The following PDLIM5 variants were observed in gnomAD, a reference collection of about 807,000 sequenced individuals.
The protein encoded by PDLIM5 is PDZ and LIM domain 5, also known as PDZ and LIM domain protein 5.
PDLIM5 carries 34 observed loss-of-function variants against 64.2 expected under a neutral mutation model. That is an observed-to-expected ratio of 0.53 (90% CI 0.40 to 0.71). The LOEUF is 0.71. PDLIM5 is among the 30% of genes least tolerant of loss of function. The pLI, the probability that PDLIM5 is intolerant of heterozygous loss-of-function variation, is 0.00. For missense variants in PDLIM5, 683 were observed against 733.6 expected (o/e 0.93, Z 0.80); for synonymous variants, 253 against 269.1 (o/e 0.94, Z 0.59).
intron 7 of PDLIM5, among the ~76,000 whole-genome samples, chr4:94,598,235 A>G (rs578127965): frequency 3.3e-4 from 51 of 152,282 alleles, no homozygotes; most frequent in African/African-American, 9.6e-4. Flanking sequence ...TCAAAGGAGA[A>G]GTGGGAATTT....
At position 94,523,978 on chromosome 4, in the gene PDLIM5, A is replaced by G. The variant is rs561662666; in HGVS notation, c.248+103A>G. On this transcript the variant is annotated intron_variant, in intron 3 of 12. Transcript: ENST00000317968. Reference sequence around the variant, plus strand: ...TAACTAAGACTCAGTTTCTGCTACCATCATTTCAGGTAAATAAAAAATATA... The same window carrying G: ...TAACTAAGACTCAGTTTCTGCTACCGTCATTTCAGGTAAATAAAAAATATA... The G allele has an allele frequency of 6.9e-4, 512 of 741,586 alleles. 1 individual carries two copies. Among genetic ancestry groups the G allele is most frequent in the Non-Finnish European group, 7.9e-4 (350 of 444,880 alleles). 45.9% of individuals were successfully genotyped at this position (741,586 alleles called of 1,614,324 possible).
At position 94,618,017 on chromosome 4, in the gene PDLIM5, C is replaced by A. The variant is rs768186723; in HGVS notation, c.934C>A (p.Pro312Thr). The A allele has an allele frequency of 4.5e-6, 7 of 1,566,736 alleles. No homozygotes were observed. The highest frequency in any genetic ancestry group is 5.2e-6 in the Non-Finnish European group (6 of 1,155,482). ...TTTCCTTTACAGTAACTCTCAGGAG[C>A]CTTCTCCGCAGTTGGCTTCCTCGGT... ...NTKKANNSQEPSPQLASSVAS... is the reference protein window; with the variant it reads ...NTKKANNSQETSPQLASSVAS... The change falls in exon 8 of 13, where the codon CCT becomes ACT. Residue 312 changes from proline (P) to threonine (T), a missense_variant. Transcript: ENST00000317968.
Position 94,666,132 on chromosome 4 carries a change from C to T in PDLIM5, c.*2065C>T. The T allele has an allele frequency of 4.8e-6, 4 of 837,174 alleles. No homozygotes were observed. The highest frequency in any genetic ancestry group is 7.4e-6 in the Non-Finnish European group (4 of 539,386). The allele number at this position is 837,174 out of a possible 1,614,324, so 51.9% of individuals were successfully genotyped here. A position where few individuals can be genotyped will look rare whatever the true frequency, so the allele number is the denominator to read the frequency against. On this transcript the variant is annotated 3_prime_UTR_variant, in exon 13 of 13. Transcript: ENST00000317968. ...TAGGTCCTTCCTGCCCCATCACTCACTTACGACATCACTTCCATTGTGTGC... is the reference window on the plus strand; with the variant it reads ...TAGGTCCTTCCTGCCCCATCACTCATTTACGACATCACTTCCATTGTGTGC...
At chr4:94,635,921 A>G (rs1198648262) in intron 8 of PDLIM5, among the ~76,000 whole-genome samples, 1 of 152,234 alleles carries the variant, frequency 6.6e-6, no homozygotes, top group Non-Finnish European at 1.5e-5. Flanking sequence ...TGTGCAGGCC[A>G]ATGTGCTAGC....
intron 8 of PDLIM5, among the ~76,000 whole-genome samples, chr4:94,624,054 TA>T (rs1739465060): frequency 6.6e-6 from 1 of 151,980 alleles, no homozygotes; most frequent in Non-Finnish European, 1.5e-5. Flanking sequence ...CTCACACCTG[TA>T]ATCCCAATAG....
Position 94,618,112 on chromosome 4 carries a change from C to T in PDLIM5, c.1029C>T (p.Leu343=). Residue 343 remains leucine, a synonymous_variant, in exon 8 of 13, where the codon CTC becomes CTT. Coordinates refer to ENST00000317968, the MANE Select transcript of PDLIM5 (RefSeq NM_006457.5). ...PTSGRPGVTS[L]TAAAAFKPVG... ...CTGGCAGACCAGGGGTTACCAGCCT[C>T]ACAGCTGCAGCTGCCTTCAAGCCTG... 6.2e-7 allele frequency: 1 copy of T among 1,612,590 alleles called. No individual in the cohort carries two copies. The highest frequency in any genetic ancestry group is 8.5e-7 in the Non-Finnish European group (1 of 1,179,284).
chr4:94,497,988 A>G (rs1727557751), intron 2 of PDLIM5, among the ~76,000 whole-genome samples: 1 of 118,978 alleles, frequency 8.4e-6, no homozygotes, highest in South Asian at 4.5e-4. Flanking sequence ...CTACACTGTT[A>G]CAGTTGTTGT....
At chr4:94,605,518 G>C (rs1441855812) in intron 7 of PDLIM5, among the ~76,000 whole-genome samples, 1 of 152,214 alleles carries the variant, frequency 6.6e-6, no homozygotes, top group Non-Finnish European at 1.5e-5. Flanking sequence ...GGCTGCTGCA[G>C]ATATGCTATT....
At position 94,612,027 on chromosome 4, in the gene PDLIM5, C is replaced by A. The variant is rs193118308; in HGVS notation, c.921-5977C>A. Among the ~76,000 whole-genome samples, 731 of 152,166 alleles carry A rather than the reference C, an allele frequency of 4.8e-3. 2 individuals are homozygous for A. The highest frequency in any genetic ancestry group is 0.016 in the African/African-American group (682 of 41,526). On this transcript the variant is annotated intron_variant, in intron 7 of 12. Transcript: ENST00000317968. ...GGTCAGGAGTTCGAGACCAGCCTAG[C>A]CAACATGGTGAAACCCCATCTCTAC...
chr4:94,543,778 CTGTGTGTGTGTGTGTG>C (rs60929032), intron 3 of PDLIM5, among the ~76,000 whole-genome samples: 2,817 of 132,062 alleles, frequency 0.021, 67 homozygotes, highest in African/African-American at 0.044. Context: ...TAGTATTCCA[CTGTGTGTGTGTGTGTG>C]TGTGTGTGTG....
rs1165598840 is a variant in PDLIM5, at chr4:94,651,303, G to A, written c.1284-3157G>A. Among the ~76,000 whole-genome samples, 8 of 152,264 alleles carry A rather than the reference G, an allele frequency of 5.3e-5. No homozygotes were observed. In the East Asian group the frequency reaches 1.3e-3, roughly 26 times the overall value. ...GTTTAAGAAAGGAGATCTGAGAGGAGCAAGGGTCATTTTCAGCTTGTTTTT... is the reference window on the plus strand; with the variant it reads ...GTTTAAGAAAGGAGATCTGAGAGGAACAAGGGTCATTTTCAGCTTGTTTTT... On this transcript the variant is annotated intron_variant, in intron 9 of 12. Coordinates refer to ENST00000317968, the MANE Select transcript of PDLIM5 (RefSeq NM_006457.5).
intron 4 of PDLIM5, among the ~76,000 whole-genome samples, chr4:94,574,516 C>G (rs1221103369): frequency 1.5e-5 from 2 of 130,780 alleles, no homozygotes; most frequent in Non-Finnish European, 3.4e-5. Context: ...AAAAAAAAAA[C>G]AAGATGAATT....
chr4:94,641,642 C>T (rs757077211), intron 9 of PDLIM5, among the ~76,000 whole-genome samples: 3 of 152,200 alleles, frequency 2.0e-5, no homozygotes, highest in Non-Finnish European at 4.4e-5. Flanking sequence ...AACATTCACA[C>T]ATAAGGACAG....
intron 2 of PDLIM5, among the ~76,000 whole-genome samples, chr4:94,491,321 C>T (rs1050739787): frequency 6.6e-6 from 1 of 152,126 alleles, no homozygotes; most frequent in Non-Finnish European, 1.5e-5. Flanking sequence ...TTAACTCTGA[C>T]ATTGATTATC....
chr4:94,662,271 A>G, intron 11 of PDLIM5, 151 bp from the exon 12 acceptor site: 1 of 493,834 alleles, frequency 2.0e-6, no homozygotes, highest in Admixed American at 3.2e-5. Flanking sequence ...CTCAAGCCAA[A>G]TGTTATGCCA....
At chr4:94,660,187 C>T (rs981797416) in intron 11 of PDLIM5, among the ~76,000 whole-genome samples, 4 of 152,212 alleles carry the variant, frequency 2.6e-5, no homozygotes, top group East Asian at 1.9e-4. Context: ...TGTGAGCCAC[C>T]GCGCCCGGCC....
intron 7 of PDLIM5, among the ~76,000 whole-genome samples, chr4:94,612,984 C>T (rs1738498606): frequency 6.6e-6 from 1 of 150,654 alleles, no homozygotes; most frequent in Admixed American, 6.6e-5. Flanking sequence ...TTTTGGTTTA[C>T]AAACTCTAAG....
rs10706955 is a variant in PDLIM5, at chr4:94,665,481, TA to T, written c.*1439del. ...GGTGACAGAGCAAGACTCCGGCTCT[TA>T]AAAAAAAAAAAAAAAAAAAAAAAAG... On this transcript the variant is annotated 3_prime_UTR_variant, in exon 13 of 13. Transcript: ENST00000317968. 131,977 of 433,126 alleles carry T rather than the reference TA, an allele frequency of 0.3. 7,555 individuals carry two copies. The highest frequency in any genetic ancestry group is 0.47 in the Admixed American group (2,422 of 5,188). The allele number at this position is 433,126 out of a possible 1,614,324, so 26.8% of individuals were successfully genotyped here.
At position 94,608,888 on chromosome 4, in the gene PDLIM5, C is replaced by T. The variant is rs1209972477; in HGVS notation, c.921-9116C>T. On this transcript the variant is annotated intron_variant, in intron 7 of 12. Transcript: ENST00000317968. Reference sequence around the variant, plus strand: ...AACATCTTTCTTTTCTCTCTCCAGACCCTGACGTTTTCTTTTCTAACCATT... The same window carrying T: ...AACATCTTTCTTTTCTCTCTCCAGATCCTGACGTTTTCTTTTCTAACCATT... Among the ~76,000 whole-genome samples the T allele has an allele frequency of 2.6e-5, 4 of 152,216 alleles. No homozygotes were observed. In the East Asian group the frequency reaches 7.7e-4, roughly 29 times the overall value.
Sources: gnomAD v4.1 joint callset for allele counts (sites outside exome capture counted in the v4.1 genomes callset) on GRCh38, gnomAD v4.1.1 for gene constraint, MANE v1.5 for transcripts, NCBI Gene and HGNC (gene_info 2026-07-23, HGNC 2026-07-21) for gene names.